PLXDC2: variants seen among roughly 807,000 people sequenced by gnomAD.
PLXDC2 encodes plexin domain containing 2.
A neutral mutation model predicts 68.9 loss-of-function variants in PLXDC2; 40 were observed. The observed-to-expected ratio is 0.58, with a 90% confidence interval of 0.45 to 0.76. PLXDC2 has a LOEUF of 0.76. Ranked by LOEUF, PLXDC2 falls within the 30% of genes least tolerant of loss-of-function variation. The probability of loss-of-function intolerance (pLI) is 0.00; values close to 1 mark genes in which losing one functional copy is unlikely to be tolerated. For synonymous variants in PLXDC2, 243 were observed against 234.2 expected, an observed-to-expected ratio of 1.04 and a Z score of -0.34; for missense variants, 644 against 661.9, an observed-to-expected ratio of 0.97 and a Z score of 0.30.
chr10:20,052,470 CAACA>C (rs1835920246), intron 3 of PLXDC2, among the ~76,000 whole-genome samples: 2 of 152,022 alleles, frequency 1.3e-5, no homozygotes, highest in African/African-American at 2.4e-5. Context: ...CGTCCACATG[CAACA>C]AACACACACA....
chr10:20,032,764 T>G (rs1322100544), intron 2 of PLXDC2, among the ~76,000 whole-genome samples: 2 of 151,954 alleles, frequency 1.3e-5, no homozygotes, highest in African/African-American at 4.8e-5. Flanking sequence ...AGCTTCAGTT[T>G]CTTTATTTTT....
chr10:19,885,675 G>A (rs199763902), intron 1 of PLXDC2, among the ~76,000 whole-genome samples: 2,950 of 144,502 alleles, frequency 0.02, 36 homozygotes, highest in Middle Eastern at 0.064. Context: ...GATATGCGGC[G>A]TTATTTCTGA....
chr10:20,080,888 C>T (rs549928330), intron 4 of PLXDC2, among the ~76,000 whole-genome samples: 12 of 152,306 alleles, frequency 7.9e-5, no homozygotes, highest in African/African-American at 2.9e-4. Context: ...CCACAGATTG[C>T]TAATAACACT....
At chr10:19,884,968 A>C (rs2131354260) in intron 1 of PLXDC2, among the ~76,000 whole-genome samples, 1 of 152,366 alleles carries the variant, frequency 6.6e-6, no homozygotes, top group South Asian at 2.1e-4. Flanking sequence ...CAGTCCCACC[A>C]ACAGTGTAGA....
intron 1 of PLXDC2, among the ~76,000 whole-genome samples, chr10:19,928,498 A>T (rs2131386894): frequency 6.6e-6 from 1 of 152,268 alleles, no homozygotes; most frequent in African/African-American, 2.4e-5. Flanking sequence ...TTTATTGCAA[A>T]ATTTGGAAAA....
At chr10:20,184,081 T>C (rs1334381050) in intron 9 of PLXDC2, among the ~76,000 whole-genome samples, 1 of 151,914 alleles carries the variant, frequency 6.6e-6, no homozygotes, top group Non-Finnish European at 1.5e-5. Context: ...ATTTACAGAA[T>C]AGTAGTATCA....
chr10:20,063,083 G>A (rs760153006), intron 3 of PLXDC2, among the ~76,000 whole-genome samples: 86 of 151,986 alleles, frequency 5.7e-4, no homozygotes, highest in Non-Finnish European at 1.0e-3. Flanking sequence ...AGACAAATAT[G>A]TGCCCCTCAA....
chr10:19,871,605 T>TA (rs1211973589), intron 1 of PLXDC2, among the ~76,000 whole-genome samples: 1 of 152,058 alleles, frequency 6.6e-6, no homozygotes, highest in East Asian at 1.9e-4. Context: ...AGAAATGACT[T>TA]ATATTGGGCC....
At chr10:19,904,533 C>T (rs549869602) in intron 1 of PLXDC2, among the ~76,000 whole-genome samples, 36 of 152,204 alleles carry the variant, frequency 2.4e-4, no homozygotes, top group African/African-American at 8.4e-4. Context: ...AACTGGTGAC[C>T]AGGGCTGAGA....
chr10:19,873,436 G>C (rs1009205270), intron 1 of PLXDC2, among the ~76,000 whole-genome samples: 18 of 125,196 alleles, frequency 1.4e-4, no homozygotes, highest in African/African-American at 5.4e-4. Flanking sequence ...TTTGAACTGA[G>C]ACCTTGCTCC....
At chr10:20,215,913 G>A (rs1243453202) in intron 10 of PLXDC2, among the ~76,000 whole-genome samples, 1 of 152,050 alleles carries the variant, frequency 6.6e-6, no homozygotes, top group Non-Finnish European at 1.5e-5. Context: ...AATTCATACT[G>A]AGCATAATGG....
At chr10:19,850,371 T>A (rs1837091527) in intron 1 of PLXDC2, among the ~76,000 whole-genome samples, 1 of 152,022 alleles carries the variant, frequency 6.6e-6, no homozygotes, top group African/African-American at 2.4e-5. Context: ...CTAATAATAA[T>A]ACTTCCTTTA....
chr10:19,972,181 A>G (rs1347435664), intron 1 of PLXDC2, among the ~76,000 whole-genome samples: 2 of 152,200 alleles, frequency 1.3e-5, no homozygotes, highest in Non-Finnish European at 2.9e-5. Flanking sequence ...TTCTGATACT[A>G]TCAAGATATA....
intron 10 of PLXDC2, among the ~76,000 whole-genome samples, chr10:20,212,719 T>C (rs1314406113): frequency 6.6e-6 from 1 of 152,170 alleles, no homozygotes; most frequent in East Asian, 1.9e-4. Flanking sequence ...TTTAAAAACA[T>C]TCTTGAACTT....
At chr10:19,941,472 T>G (rs780717183) in intron 1 of PLXDC2, among the ~76,000 whole-genome samples, 1 of 152,162 alleles carries the variant, frequency 6.6e-6, no homozygotes, top group Non-Finnish European at 1.5e-5. Flanking sequence ...GGCAGAGCAT[T>G]TTGTTGGCAC....
chr10:20,185,160 G>GAAAAAAAAA (rs11307851), intron 9 of PLXDC2, among the ~76,000 whole-genome samples: 2 of 55,992 alleles, frequency 3.6e-5, no homozygotes, highest in Non-Finnish European at 3.2e-5. Context: ...GAACTGAAAG[G>GAAAAAAAAA]AAAAAAAAAA....
At chr10:20,130,430 G>A (rs912617945) in intron 4 of PLXDC2, among the ~76,000 whole-genome samples, 6 of 152,046 alleles carry the variant, frequency 3.9e-5, no homozygotes, top group Non-Finnish European at 8.8e-5. Context: ...TGTATATAGA[G>A]CATTATGTCA....
intron 13 of PLXDC2, among the ~76,000 whole-genome samples, chr10:20,278,163 G>C (rs1046091619): frequency 1.4e-4 from 22 of 152,158 alleles, no homozygotes; most frequent in African/African-American, 5.3e-4. Context: ...TTATGTAACT[G>C]TAAATTCATG....
intron 1 of PLXDC2, among the ~76,000 whole-genome samples, chr10:19,924,692 T>C (rs1449091357): frequency 5.9e-5 from 9 of 152,168 alleles, no homozygotes; most frequent in African/African-American, 2.2e-4. Flanking sequence ...TTGGAGGAGA[T>C]CTGAAAAGAT....
Sources: gnomAD v4.1 joint callset for allele counts (sites outside exome capture counted in the v4.1 genomes callset) on GRCh38, gnomAD v4.1.1 for gene constraint, MANE v1.5 for transcripts, NCBI Gene and HGNC (gene_info 2026-07-23, HGNC 2026-07-21) for gene names.